ABCC9: variants seen among roughly 807,000 people sequenced by gnomAD.
ABCC9 encodes the protein ATP binding cassette subfamily C member 9.
ABCC9 carries 95 observed loss-of-function variants against 188.3 expected under a neutral mutation model. The observed-to-expected ratio is 0.50, with a 90% CI of 0.43 to 0.60. The LOEUF is 0.60. Ranked by LOEUF, ABCC9 falls within the 20% of genes least tolerant of loss-of-function variation. ABCC9 has a pLI of 0.00. For synonymous variants in ABCC9, 659 were observed against 652.7 expected (o/e 1.01, Z -0.15); for missense variants, 1,102 against 1,876.3 (o/e 0.59, Z 7.62).
At chr12:21,827,108 G>T (rs556237673) in intron 31 of ABCC9, 1 of 985,170 alleles carries the variant, frequency 1.0e-6, no homozygotes, top group Non-Finnish European at 1.2e-6. Context: ...GCTTTTTCAC[G>T]TGGGGGTTAA....
chr12:21,940,453 T>C (rs1949645271), intron 2 of ABCC9, among the ~76,000 whole-genome samples: 1 of 152,188 alleles, frequency 6.6e-6, no homozygotes, highest in Non-Finnish European at 1.5e-5. Context: ...AAATAAAAAC[T>C]AGAAGATGTA....
At chr12:21,811,019 T>G (rs1321030460) in intron 36 of ABCC9, among the ~76,000 whole-genome samples, 1 of 152,100 alleles carries the variant, frequency 6.6e-6, no homozygotes, top group Non-Finnish European at 1.5e-5. Flanking sequence ...TGCTCTGTGT[T>G]CCCACCCAAA....
intron 39 of ABCC9, chr12:21,805,018 G>T: frequency 2.2e-6 from 1 of 462,120 alleles, no homozygotes; most frequent in Non-Finnish European, 2.8e-6. Context: ...CATGACAAAA[G>T]CACTTGGTTG....
chr12:21,922,830 A>G (rs1002915126), intron 5 of ABCC9: 1 of 150,666 alleles, frequency 6.6e-6, no homozygotes, highest in Non-Finnish European at 1.5e-5. Flanking sequence ...GAATAGCCAA[A>G]GCAAACTTCG....
intron 11 of ABCC9, among the ~76,000 whole-genome samples, chr12:21,906,517 C>G (rs879392871): frequency 6.6e-6 from 1 of 152,018 alleles, no homozygotes; most frequent in Non-Finnish European, 1.5e-5. Flanking sequence ...ACATGTATGT[C>G]TCTGTTGCTT....
chr12:21,845,662 A>C lies in ABCC9; in HGVS notation c.3037T>G (p.Tyr1013Asp). The change falls in exon 26 of 40, where the codon TAT becomes GAT. Residue 1013 changes from tyrosine to aspartate, a missense_variant. Tyr to Asp is a radical substitution (Grantham distance 160). Coordinates refer to ENST00000261200, the MANE Select transcript of ABCC9 (RefSeq NM_020297.4). ...TCCGATGTCCATGTGGCCAGCCAAT[A>C]GTCTATAGCTACAATGACCGAATGC... ...LKHSVIVAID[Y>D]WLATWTSEYS... is the part of the protein sequence containing the mutation. 1.9e-6 allele frequency: 3 copies of C among 1,613,856 alleles called. No homozygotes were observed. The highest frequency in any genetic ancestry group is 2.5e-6 in the Non-Finnish European group (3 of 1,179,808).
At chr12:21,939,742 T>C (rs977570251) in intron 2 of ABCC9, among the ~76,000 whole-genome samples, 8 of 152,234 alleles carry the variant, frequency 5.3e-5, no homozygotes, top group African/African-American at 1.9e-4. Context: ...TGAGAGGTGA[T>C]AGAGTTGGAG....
At chr12:21,805,962 C>G (rs556902399) in intron 39 of ABCC9, 36 bp downstream of exon 39, 127 of 1,603,360 alleles carry the variant, frequency 7.9e-5, no homozygotes, top group Non-Finnish European at 4.3e-6. Context: ...GAACAAAAAC[C>G]AAAGAGGTAT....
At chr12:21,914,397 C>T (rs1342152976) in intron 7 of ABCC9, among the ~76,000 whole-genome samples, 1 of 152,040 alleles carries the variant, frequency 6.6e-6, no homozygotes, top group Non-Finnish European at 1.5e-5. Context: ...ATAATGAATA[C>T]TTAGGAAAAG....
In ABCC9 at chr12:21,803,370, A is replaced by G. The variant is rs1395484868; in HGVS notation, c.4513-2189T>C. Among the ~76,000 whole-genome samples the G allele has an allele frequency of 2.0e-5, 3 of 152,026 alleles. No individual in the cohort carries two copies. In the East Asian group the frequency reaches 5.8e-4, roughly 29 times the overall value. On this transcript the variant is annotated intron_variant, in intron 39 of 39. Coordinates refer to ENST00000261200, the MANE Select transcript of ABCC9 (RefSeq NM_020297.4). The stretch of plus-strand genomic sequence containing the variant: ...TTACTAGAAAAAAATAAAAATAAAA[A>G]CATTAGGCCAGGCGCAGTGGCTCAC...
chr12:21,912,432 G>A (rs1052074798), intron 8 of ABCC9, among the ~76,000 whole-genome samples: 1 of 151,734 alleles, frequency 6.6e-6, no homozygotes, highest in African/African-American at 2.4e-5. Context: ...CAGGGTGGTG[G>A]GTTTTTATTA....
intron 39 of ABCC9, among the ~76,000 whole-genome samples, chr12:21,804,705 C>A (rs181017605): frequency 1.3e-5 from 2 of 152,190 alleles, no homozygotes; most frequent in African/African-American, 4.8e-5. Context: ...AAAAAAGCTG[C>A]ACTCCAAAGG....
rs199947733 is a variant in ABCC9 at position 21,913,083 on chromosome 12, GAAAAAAA to G, written c.817-24_817-18del. ...AACTTTTTTCTGAAGAAAAAAAAAA[GAAAAAAA>G]AAACAGATGTAACAAAATAAAACTG... On this transcript the variant is annotated intron_variant, in intron 7 of 39. Transcript: ENST00000261200. 2.3e-6 allele frequency: 3 copies of G among 1,328,138 alleles called. No individual in the cohort carries two copies. Among genetic ancestry groups the G allele is most frequent in the Non-Finnish European group, 3.1e-6 (3 of 981,470 alleles). The allele number at this position is 1,328,138 out of a possible 1,614,324, so 82.3% of individuals were successfully genotyped here.
At chr12:21,861,948 G>C (rs1945527740) in intron 20 of ABCC9, among the ~76,000 whole-genome samples, 1 of 152,234 alleles carries the variant, frequency 6.6e-6, no homozygotes, top group Admixed American at 6.5e-5. Context: ...GAAATCAGAT[G>C]AACTGGAAGT....
At chr12:21,904,659 C>G (rs1000949869) in intron 12 of ABCC9, among the ~76,000 whole-genome samples, 1 of 152,152 alleles carries the variant, frequency 6.6e-6, no homozygotes, top group Non-Finnish European at 1.5e-5. Flanking sequence ...ATTTATGCAG[C>G]CAACACACAC....
rs11833700 is a variant in ABCC9, at chr12:21,885,417, T to A, written c.1911+2409A>T. On this transcript the variant is annotated intron_variant, in intron 15 of 39. Coordinates refer to ENST00000261200, the MANE Select transcript of ABCC9 (RefSeq NM_020297.4). ...TTCCAAAACCTTTTCTCAGTTCAAT[T>A]TTTCTTCTATGCCACATCTCATACA... Among the ~76,000 whole-genome samples the A allele has an allele frequency of 8.6e-3, 1,304 of 152,248 alleles. 13 individuals carry two copies. The highest frequency in any genetic ancestry group is 0.027 in the African/African-American group (1,138 of 41,536).
rs1157008085 is a variant in ABCC9, at chr12:21,845,618, A to T, written c.3081T>A (p.Thr1027=). 1 of 1,613,430 alleles carries T rather than the reference A, an allele frequency of 6.2e-7. No individual in the cohort carries two copies. The highest frequency in any genetic ancestry group is 8.5e-7 in the Non-Finnish European group (1 of 1,179,640). Residue 1027 remains threonine (T), a synonymous_variant, in exon 26 of 40, where the codon ACT becomes ACA. Coordinates refer to ENST00000261200, the MANE Select transcript of ABCC9 (RefSeq NM_020297.4). ...CCAATTGTACCTGATCAGCTTTTCC[A>T]GTATTGTTTATACTGTACTCCGATG... ...TWTSEYSINN[T]GKADQTYYVA... is the part of the protein sequence containing the mutation.
At chr12:21,841,423 A>C (rs1257842275) in intron 29 of ABCC9, among the ~76,000 whole-genome samples, 1 of 127,320 alleles carries the variant, frequency 7.9e-6, no homozygotes, top group Non-Finnish European at 1.6e-5. Flanking sequence ...CAGTGGCGTG[A>C]TCTCAGCTCA....
At chr12:21,862,297 A>G (rs1945557845) in intron 20 of ABCC9, among the ~76,000 whole-genome samples, 1 of 151,944 alleles carries the variant, frequency 6.6e-6, no homozygotes, top group African/African-American at 2.4e-5. Context: ...CCCCCCAACT[A>G]TCTGGTCTCA....
Sources: gnomAD v4.1 joint callset for allele counts (sites outside exome capture counted in the v4.1 genomes callset) on GRCh38, gnomAD v4.1.1 for gene constraint, MANE v1.5 for transcripts, NCBI Gene and HGNC (gene_info 2026-07-23, HGNC 2026-07-21) for gene names.